The following HS3ST4 variants were observed in gnomAD, a reference collection of about 807,000 sequenced individuals.
The protein encoded by HS3ST4 is heparan sulfate glucosamine 3-O-sulfotransferase 4.
Under a neutral mutation model 29.2 loss-of-function variants are expected in HS3ST4, and 17 were observed. The ratio of observed to expected loss-of-function variants is 0.58; its 90% CI spans 0.40 to 0.87. The LOEUF (loss-of-function observed/expected upper bound fraction) is 0.87, where lower values mean the gene tolerates loss of function less well. HS3ST4 is among the 40% of genes least tolerant of loss of function. The pLI, the probability that HS3ST4 is intolerant of heterozygous loss-of-function variation, is 0.00. For synonymous variants in HS3ST4, 314 were observed against 285.7 expected (o/e 1.10, Z -1.00); for missense variants, 627 against 634.5 (o/e 0.99, Z 0.13).
rs546929224 is a variant in HS3ST4, at chr16:25,952,956, A to G, written c.735-182656A>G. ...CTGGACCCCTCATTTGTTACAAGCC[A>G]TGTGCCATCCTACATCTTTCCAATG... On this transcript the variant is annotated intron_variant, in intron 1 of 1. Transcript: ENST00000331351. 5.3e-5 allele frequency among the ~76,000 whole-genome samples: 8 copies of G among 152,306 alleles called. No homozygotes were observed. In the South Asian group the frequency reaches 1.4e-3, roughly 28 times the overall value.
chr16:25,736,678 A>T (rs376278648), intron 1 of HS3ST4, among the ~76,000 whole-genome samples: 1 of 152,208 alleles, frequency 6.6e-6, no homozygotes, highest in African/African-American at 2.4e-5. Flanking sequence ...CCAGTATTCC[A>T]AAGATTTCCT....
chr16:25,908,685 T>A (rs528821502), intron 1 of HS3ST4, among the ~76,000 whole-genome samples: 2 of 151,678 alleles, frequency 1.3e-5, no homozygotes, highest in African/African-American at 4.8e-5. Context: ...TGGGGGCATA[T>A]CTTGCCTGCA....
At chr16:25,729,601 A>G (rs1966557852) in intron 1 of HS3ST4, among the ~76,000 whole-genome samples, 2 of 152,090 alleles carry the variant, frequency 1.3e-5, no homozygotes, top group Admixed American at 1.3e-4. Flanking sequence ...CTTGTATTGT[A>G]ACAGACTTGA....
intron 1 of HS3ST4, among the ~76,000 whole-genome samples, chr16:26,004,927 CTTAATGTTCAGAG>C (rs957531689): frequency 2.0e-5 from 3 of 152,110 alleles, no homozygotes; most frequent in Admixed American, 2.0e-4. Context: ...AGTGTCTATG[CTTAATGTTCAGAG>C]TTAACCCATT....
chr16:25,948,724 C>G (rs4473190), intron 1 of HS3ST4, among the ~76,000 whole-genome samples: 18,682 of 152,132 alleles, frequency 0.12, 1,239 homozygotes, highest in African/African-American at 0.16. Flanking sequence ...TTTCTTATGC[C>G]TAATGCTGAT....
chr16:26,106,104 C>T (rs1235359423), intron 1 of HS3ST4, among the ~76,000 whole-genome samples: 1 of 152,204 alleles, frequency 6.6e-6, no homozygotes, highest in Non-Finnish European at 1.5e-5. Context: ...AGTTCTGCAG[C>T]CTGTGTCCAC....
chr16:25,802,102 T>A (rs186889186), intron 1 of HS3ST4, among the ~76,000 whole-genome samples: 1 of 151,538 alleles, frequency 6.6e-6, no homozygotes, highest in Admixed American at 6.6e-5. Flanking sequence ...GCAAACAACA[T>A]GAGACAGACA....
At chr16:25,730,551 CCT>C (rs765194087) in intron 1 of HS3ST4, among the ~76,000 whole-genome samples, 15 of 142,986 alleles carry the variant, frequency 1.0e-4, no homozygotes, top group Non-Finnish European at 1.5e-4. Flanking sequence ...TCCTTATCTC[CCT>C]CTGTTCCTCC....
intron 1 of HS3ST4, among the ~76,000 whole-genome samples, chr16:26,125,725 ACTCC>A (rs1366825448): frequency 6.6e-6 from 1 of 151,736 alleles, no homozygotes. Context: ...TTGTTCATCC[ACTCC>A]CTCCTAAAAT....
At chr16:25,791,563 A>G (rs1487992579) in intron 1 of HS3ST4, among the ~76,000 whole-genome samples, 1 of 152,118 alleles carries the variant, frequency 6.6e-6, no homozygotes, top group East Asian at 1.9e-4. Flanking sequence ...CCTTTCATTT[A>G]TTAAAGTGTC....
chr16:26,121,312 A>G (rs558683100), intron 1 of HS3ST4, among the ~76,000 whole-genome samples: 1 of 152,282 alleles, frequency 6.6e-6, no homozygotes, highest in East Asian at 1.9e-4. Flanking sequence ...CGACTAGTGG[A>G]GATTCCATCG....
intron 1 of HS3ST4, among the ~76,000 whole-genome samples, chr16:25,966,201 T>G (rs1163351451): frequency 2.6e-5 from 4 of 152,192 alleles, no homozygotes; most frequent in Admixed American, 1.3e-4. Context: ...CAAGGTCATA[T>G]GGCTGGAAAA....
chr16:26,110,028 C>A (rs924053674), intron 1 of HS3ST4, among the ~76,000 whole-genome samples: 1 of 151,986 alleles, frequency 6.6e-6, no homozygotes, highest in African/African-American at 2.4e-5. Flanking sequence ...ACCCATTGAC[C>A]GATATTTTCC....
Position 26,136,590 on chromosome 16 carries a change from C to G in HS3ST4, c.*342C>G, listed in dbSNP as rs3803711. The G allele has an allele frequency of 3.7e-6, 1 of 270,426 alleles. No homozygotes were observed. The highest frequency in any genetic ancestry group is 6.1e-5 in the South Asian group (1 of 16,396). The allele number at this position is 270,426 out of a possible 1,614,324, so 16.8% of individuals were successfully genotyped here. ...ACAGTGCTATTAATGTATATGTGAG[C>G]GACAAAAAAGGTCTGCTTTATAGGG... On this transcript the variant is annotated 3_prime_UTR_variant, in exon 2 of 2. Transcript: ENST00000331351.
chr16:25,911,750 C>T (rs1050302804), intron 1 of HS3ST4, among the ~76,000 whole-genome samples: 1 of 151,994 alleles, frequency 6.6e-6, no homozygotes, highest in African/African-American at 2.4e-5. Context: ...CTTGAGCGAT[C>T]CTCCTGCCTT....
At chr16:25,921,221 T>G (rs1253674519) in intron 1 of HS3ST4, among the ~76,000 whole-genome samples, 1 of 152,206 alleles carries the variant, frequency 6.6e-6, no homozygotes, top group Admixed American at 6.5e-5. Flanking sequence ...AATGATGTGT[T>G]AATTACGATA....
intron 1 of HS3ST4, among the ~76,000 whole-genome samples, chr16:25,986,965 A>G (rs1322485680): frequency 6.6e-6 from 1 of 152,214 alleles, no homozygotes; most frequent in East Asian, 1.9e-4. Context: ...CAGGTTGTTA[A>G]TCGGTCTGGT....
intron 1 of HS3ST4, among the ~76,000 whole-genome samples, chr16:25,955,992 T>C (rs887416164): frequency 6.6e-6 from 1 of 151,966 alleles, no homozygotes; most frequent in African/African-American, 2.4e-5. Flanking sequence ...GTGTTTTGTA[T>C]TTTAGTTGAG....
At chr16:26,050,593 G>A (rs1898330274) in intron 1 of HS3ST4, among the ~76,000 whole-genome samples, 1 of 152,128 alleles carries the variant, frequency 6.6e-6, no homozygotes, top group Admixed American at 6.5e-5. Flanking sequence ...GACAGACAGG[G>A]TCCCAGCTAA....
Sources: allele counts gnomAD v4.1 joint callset (sites outside exome capture counted in the v4.1 genomes callset), GRCh38; gene constraint gnomAD v4.1.1; transcripts MANE v1.5; gene names NCBI Gene and HGNC (gene_info 2026-07-23, HGNC 2026-07-21).